Variants in DRC11 observed in about 807,000 individuals in gnomAD.
The protein encoded by DRC11 is IQ and AAA domain-containing protein 1.
the DRC11 span, chr2:236,331,410 C>A: frequency 6.2e-7 from 1 of 1,613,944 alleles, no homozygotes; most frequent in East Asian, 2.2e-5. The surrounding 1 kb of genome is among the most constrained non-coding windows in gnomAD (Gnocchi z 4.8). Context: ...TGGTTATCGC[C>A]GTAATAAACT....
the DRC11 span, chr2:236,497,404 T>G: frequency 1.2e-6 from 2 of 1,613,878 alleles, no homozygotes; most frequent in Non-Finnish European, 1.7e-6. The surrounding 1 kb of genome is among the most constrained non-coding windows in gnomAD (Gnocchi z 5.1). Context: ...CTGATTTCTT[T>G]GTGGTTCAAT....
At chr2:236,418,712 T>C in the DRC11 span, among the ~76,000 whole-genome samples, 3 of 152,234 alleles carry the variant, frequency 2.0e-5, no homozygotes, top group Non-Finnish European at 4.4e-5. Context: ...TTAAAATATA[T>C]CCAGATGTCA....
chr2:236,316,272 C>T, the DRC11 span, among the ~76,000 whole-genome samples: 1 of 152,142 alleles, frequency 6.6e-6, no homozygotes, highest in Non-Finnish European at 1.5e-5. This position sits in a 1 kb window ranked among gnomAD's most constrained non-coding sequence, Gnocchi z 6.8. Context: ...AAGTGATTCT[C>T]CTGCCTCAGC....
the DRC11 span, chr2:236,419,111 T>C: frequency 1.8e-5 from 27 of 1,504,398 alleles, no homozygotes; most frequent in Non-Finnish European, 2.4e-5. The surrounding 1 kb of genome is among the most constrained non-coding windows in gnomAD (Gnocchi z 4.8). Flanking sequence ...AAAAAGAAAA[T>C]GAAATCAAAT....
the DRC11 span, among the ~76,000 whole-genome samples, chr2:236,389,547 C>A: frequency 6.6e-6 from 1 of 152,202 alleles, no homozygotes; most frequent in African/African-American, 2.4e-5. Flanking sequence ...CACCCACTGA[C>A]CTGTGCCCAC....
the DRC11 span, chr2:236,408,177 C>T: frequency 4.1e-6 from 3 of 729,408 alleles, no homozygotes; most frequent in South Asian, 4.0e-5. The surrounding 1 kb of genome is among the most constrained non-coding windows in gnomAD (Gnocchi z 5.5). Context: ...TGTTCTTGAT[C>T]AGTTTGTCGT....
the DRC11 span, among the ~76,000 whole-genome samples, chr2:236,327,000 G>A: frequency 1.3e-5 from 2 of 151,864 alleles, no homozygotes; most frequent in African/African-American, 4.8e-5. Flanking sequence ...GATTACAGGT[G>A]TGAGCCACCA....
chr2:236,416,226 G>A, the DRC11 span, among the ~76,000 whole-genome samples: 1 of 152,162 alleles, frequency 6.6e-6, no homozygotes, highest in Non-Finnish European at 1.5e-5. Context: ...AACAGAAGCT[G>A]GGAGAACCCT....
At chr2:236,315,781 C>G in the DRC11 span, among the ~76,000 whole-genome samples, 1 of 152,096 alleles carries the variant, frequency 6.6e-6, no homozygotes, top group Non-Finnish European at 1.5e-5. The surrounding 1 kb of genome is among the most constrained non-coding windows in gnomAD (Gnocchi z 5.1). Context: ...CATATTCTCA[C>G]AAGTGGCAGC....
chr2:236,465,495 T>C, the DRC11 span: 13 of 1,610,992 alleles, frequency 8.1e-6, no homozygotes, highest in East Asian at 8.9e-5. The surrounding 1 kb of genome is among the most constrained non-coding windows in gnomAD (Gnocchi z 6.2). Flanking sequence ...ACGATGTAGC[T>C]CATGTTCACC....
the DRC11 span, among the ~76,000 whole-genome samples, chr2:236,490,972 A>G: frequency 2.1e-5 from 3 of 145,772 alleles, no homozygotes; most frequent in Non-Finnish European, 4.5e-5. This position sits in a 1 kb window ranked among gnomAD's most constrained non-coding sequence, Gnocchi z 5.5. Flanking sequence ...ATATGTGTAT[A>G]TATATACAGT....
At chr2:236,307,506 A>G in the DRC11 span, among the ~76,000 whole-genome samples, 2 of 152,190 alleles carry the variant, frequency 1.3e-5, no homozygotes, top group Admixed American at 6.5e-5. The surrounding 1 kb of genome is among the most constrained non-coding windows in gnomAD (Gnocchi z 7.0). Context: ...TCAAGACAGC[A>G]ACTTCCTGGC....
At chr2:236,318,597 G>A in the DRC11 span, among the ~76,000 whole-genome samples, 1 of 151,350 alleles carries the variant, frequency 6.6e-6, no homozygotes, top group Non-Finnish European at 1.5e-5. The surrounding 1 kb of genome is among the most constrained non-coding windows in gnomAD (Gnocchi z 7.0). Flanking sequence ...ATGTACACAT[G>A]TGTATGTATG....
the DRC11 span, among the ~76,000 whole-genome samples, chr2:236,483,143 C>CT: frequency 6.6e-6 from 1 of 152,164 alleles, no homozygotes; most frequent in Non-Finnish European, 1.5e-5. The surrounding 1 kb of genome is among the most constrained non-coding windows in gnomAD (Gnocchi z 4.8). Flanking sequence ...CAGTATTTGT[C>CT]TTTTTGTGAC....
At chr2:236,480,488 C>T in the DRC11 span, among the ~76,000 whole-genome samples, 3 of 152,062 alleles carry the variant, frequency 2.0e-5, no homozygotes, top group African/African-American at 7.2e-5. Flanking sequence ...ATTCTTTCCT[C>T]TGTTTGATCC....
At chr2:236,449,391 C>T in the DRC11 span, among the ~76,000 whole-genome samples, 135 of 152,142 alleles carry the variant, frequency 8.9e-4, no homozygotes, top group Admixed American at 1.8e-3. The surrounding 1 kb of genome is among the most constrained non-coding windows in gnomAD (Gnocchi z 5.1). Flanking sequence ...CCCACTCTCT[C>T]GCCTCCGCCT....
At chr2:236,505,976 C>G in the DRC11 span, among the ~76,000 whole-genome samples, 3 of 152,186 alleles carry the variant, frequency 2.0e-5, no homozygotes, top group Non-Finnish European at 2.9e-5. Flanking sequence ...TTTCTCTCCC[C>G]CTACATTCAC....
chr2:236,397,484 A>G, the DRC11 span, among the ~76,000 whole-genome samples: 1 of 152,320 alleles, frequency 6.6e-6, no homozygotes, highest in East Asian at 1.9e-4. This position sits in a 1 kb window ranked among gnomAD's most constrained non-coding sequence, Gnocchi z 5.0. Flanking sequence ...AGGGAGAGGC[A>G]AGAAGTCAGC....
At chr2:236,397,897 C>A in the DRC11 span, among the ~76,000 whole-genome samples, 1 of 152,206 alleles carries the variant, frequency 6.6e-6, no homozygotes, top group Admixed American at 6.5e-5. This position sits in a 1 kb window ranked among gnomAD's most constrained non-coding sequence, Gnocchi z 5.0. Context: ...GCAGGTGTTA[C>A]CTTTATATCT....
Sources: allele counts gnomAD v4.1 joint callset (sites outside exome capture counted in the v4.1 genomes callset), GRCh38; gene constraint gnomAD v4.1.1; non-coding constraint Gnocchi (gnomAD v3.1); transcripts MANE v1.5; gene names NCBI Gene and HGNC (gene_info 2026-07-23, HGNC 2026-07-21).